OTUD7B: variants seen among roughly 807,000 people sequenced by gnomAD.
OTUD7B encodes OTU deubiquitinase 7B, also known as OTU domain-containing protein 7B.
Under a neutral mutation model 82.2 loss-of-function variants are expected in OTUD7B, and 34 were observed. That is an observed-to-expected ratio of 0.41 (90% CI 0.31 to 0.55). The LOEUF is 0.55. OTUD7B is among the 20% of genes least tolerant of loss of function. OTUD7B has a pLI of 0.20. For missense variants in OTUD7B, 944 were observed against 1,062.1 expected, an observed-to-expected ratio of 0.89 and a Z score of 1.55; for synonymous variants, 398 against 402.7, an observed-to-expected ratio of 0.99 and a Z score of 0.14.
At chr1:149,998,335 G>C (rs587627987) in intron 1 of OTUD7B, among the ~76,000 whole-genome samples, 1 of 152,276 alleles carries the variant, frequency 6.6e-6, no homozygotes, top group South Asian at 2.1e-4. Context: ...CCTACTCAGA[G>C]ATTTTTCAGT....
intron 6 of OTUD7B, 51 bp downstream of exon 6, chr1:149,964,171 G>T: frequency 6.3e-7 from 1 of 1,598,868 alleles, no homozygotes. Flanking sequence ...CAGTGACTTT[G>T]GCAGCTTGGT....
In OTUD7B at chr1:149,964,331, T is replaced by C; in HGVS notation, c.623A>G (p.Asp208Gly). Reference protein sequence around the residue: ...AASLGMWGFHDRDLMLRKALY... With the variant: ...AASLGMWGFHGRDLMLRKALY... Reference sequence around the variant, plus strand: ...AGCTTTCCGCAGCATCAAGTCCCGATCATGGAAACCCCACATTCCTGTGGC... The same window carrying C: ...AGCTTTCCGCAGCATCAAGTCCCGACCATGGAAACCCCACATTCCTGTGGC... Residue 208 changes from aspartate (D) to glycine (G), a missense_variant, in exon 6 of 12, where the codon GAT becomes GGT. This residue lies in a region of OTUD7B where 530 missense variants were observed against 625.6 expected (regional missense o/e 0.85). Coordinates refer to ENST00000581312, the MANE Select transcript of OTUD7B (RefSeq NM_020205.4). The C allele has an allele frequency of 6.2e-7, 1 of 1,613,924 alleles. No homozygotes were observed. The highest frequency in any genetic ancestry group is 1.7e-5 in the Admixed American group (1 of 59,968).
At chr1:150,022,905 G>A in the OTUD7B span, among the ~76,000 whole-genome samples, 25 of 152,338 alleles carry the variant, frequency 1.6e-4, no homozygotes, top group South Asian at 4.8e-3. Flanking sequence ...AGCAACCACA[G>A]CAACAAACAG....
At chr1:149,998,914 G>C (rs587715942) in intron 1 of OTUD7B, among the ~76,000 whole-genome samples, 40 of 152,226 alleles carry the variant, frequency 2.6e-4, no homozygotes, top group Non-Finnish European at 1.0e-4. Flanking sequence ...TAGATATACT[G>C]CTACATAGCC....
chr1:150,037,345 T>C, the OTUD7B span, among the ~76,000 whole-genome samples: 1 of 151,928 alleles, frequency 6.6e-6, no homozygotes, highest in Non-Finnish European at 1.5e-5. Flanking sequence ...ATTTGCCTTG[T>C]ATAAACCCCA....
the OTUD7B span, among the ~76,000 whole-genome samples, chr1:150,050,939 A>T: frequency 6.6e-6 from 1 of 151,400 alleles, no homozygotes; most frequent in African/African-American, 2.4e-5. Context: ...GAAAAGAAAG[A>T]AAAAAACGGC....
chr1:149,996,142 C>G (rs954426514), intron 1 of OTUD7B, among the ~76,000 whole-genome samples: 1 of 152,166 alleles, frequency 6.6e-6, no homozygotes, highest in African/African-American at 2.4e-5. Context: ...CAAGCAGGCA[C>G]GAACTTTCAG....
At chr1:149,946,599 G>T (rs587657409) in intron 11 of OTUD7B, among the ~76,000 whole-genome samples, 3 of 151,596 alleles carry the variant, frequency 2.0e-5, no homozygotes, top group Non-Finnish European at 2.9e-5. Context: ...AAAATCAGCC[G>T]GGTGTGGTGG....
At chr1:149,992,314 T>G (rs1474840003) in intron 1 of OTUD7B, among the ~76,000 whole-genome samples, 4 of 152,172 alleles carry the variant, frequency 2.6e-5, no homozygotes, top group African/African-American at 9.7e-5. Context: ...TTTGTAAGTA[T>G]TCTTCTAATG....
At chr1:149,988,201 TA>T (rs376684557) in intron 1 of OTUD7B, among the ~76,000 whole-genome samples, 18 of 146,756 alleles carry the variant, frequency 1.2e-4, no homozygotes, top group South Asian at 2.1e-4. Flanking sequence ...AAACATGGAA[TA>T]AAAAAAAAAA....
intron 2 of OTUD7B, among the ~76,000 whole-genome samples, chr1:149,973,282 G>A (rs1650053736): frequency 6.6e-6 from 1 of 152,124 alleles, no homozygotes; most frequent in Non-Finnish European, 1.5e-5. Context: ...CCATTAGCCA[G>A]GTGTGGTGGT....
At chr1:150,002,950 A>G (rs1652393557) in intron 1 of OTUD7B, among the ~76,000 whole-genome samples, 1 of 152,194 alleles carries the variant, frequency 6.6e-6, no homozygotes, top group Non-Finnish European at 1.5e-5. Context: ...GATATACTGC[A>G]GTATAAGATA....
chr1:150,003,738 A>G (rs1189511360), intron 1 of OTUD7B, among the ~76,000 whole-genome samples: 2 of 152,096 alleles, frequency 1.3e-5, no homozygotes, highest in East Asian at 1.9e-4. Flanking sequence ...TAGGTTTATC[A>G]GTACCATTTT....
chr1:150,013,947 TACACAC>T (rs1219362552), upstream of OTUD7B, among the ~76,000 whole-genome samples: 465 of 104,352 alleles, frequency 4.5e-3, 13 homozygotes, highest in African/African-American at 0.016. Context: ...AATATATATA[TACACAC>T]ACACACACAC....
intron 1 of OTUD7B, among the ~76,000 whole-genome samples, chr1:149,992,469 T>TTTTTG: frequency 7.5e-4 from 1 of 1,332 alleles, no homozygotes; most frequent in Admixed American, 0.011. Flanking sequence ...GTGCATGTGT[T>TTTTTG]TTTTTTTTTT....
intron 7 of OTUD7B, 51 bp from the exon 8 acceptor site, chr1:149,950,272 A>G (rs782526952): frequency 1.3e-6 from 2 of 1,593,338 alleles, no homozygotes; most frequent in Non-Finnish European, 1.7e-6. Context: ...AAAATGAGAG[A>G]GTAGAAACAG....
At chr1:150,000,515 C>A (rs782687829) in intron 1 of OTUD7B, among the ~76,000 whole-genome samples, 10 of 151,298 alleles carry the variant, frequency 6.6e-5, no homozygotes, top group Admixed American at 2.6e-4. Context: ...AAAAACAGGA[C>A]AAGTGGGGAG....
the OTUD7B span, among the ~76,000 whole-genome samples, chr1:150,029,023 C>T: frequency 6.6e-6 from 1 of 151,966 alleles, no homozygotes; most frequent in African/African-American, 2.4e-5. Flanking sequence ...AATTCATATG[C>T]TGATGAACAT....
the OTUD7B span, among the ~76,000 whole-genome samples, chr1:150,065,249 T>C: frequency 6.6e-6 from 1 of 152,118 alleles, no homozygotes; most frequent in African/African-American, 2.4e-5. Flanking sequence ...TTTTTTGTAT[T>C]TTTTTGTACA....
Sources: allele counts gnomAD v4.1 joint callset (sites outside exome capture counted in the v4.1 genomes callset), GRCh38; gene constraint gnomAD v4.1.1; regional missense constraint gnomAD v4.1.1; transcripts MANE v1.5; gene names NCBI Gene and HGNC (gene_info 2026-07-23, HGNC 2026-07-21).